The following FNIP1 variants were observed in gnomAD, a reference collection of about 807,000 sequenced individuals.
FNIP1 encodes the protein folliculin interacting protein 1, also known as folliculin-interacting protein 1.
FNIP1 carries 40 observed loss-of-function variants against 124.5 expected under a neutral mutation model. The observed-to-expected ratio is 0.32, with a 90% CI of 0.25 to 0.42. FNIP1 has a LOEUF of 0.42. FNIP1 is among the 10% of genes least tolerant of loss of function. The pLI, the probability that FNIP1 is intolerant of heterozygous loss-of-function variation, is 1.00. For missense variants in FNIP1, 1,176 were observed against 1,403.7 expected (o/e 0.84, Z 2.59); for synonymous variants, 472 against 470.6 (o/e 1.00, Z -0.04).
intron 6 of FNIP1, among the ~76,000 whole-genome samples, chr5:131,714,830 T>C (rs572955200): frequency 5.3e-5 from 8 of 152,328 alleles, no homozygotes; most frequent in African/African-American, 1.9e-4. Flanking sequence ...TATACTGTAA[T>C]TGTTGTATTA....
intron 1 of FNIP1, among the ~76,000 whole-genome samples, chr5:131,794,963 T>C (rs544991106): frequency 3.3e-5 from 5 of 152,230 alleles, no homozygotes; most frequent in African/African-American, 4.8e-5. Flanking sequence ...GTATACGATG[T>C]ATGCTTAAAA....
chr5:131,662,188 T>A (rs771579050), intron 15 of FNIP1, among the ~76,000 whole-genome samples: 1 of 152,130 alleles, frequency 6.6e-6, no homozygotes, highest in Non-Finnish European at 1.5e-5. Flanking sequence ...AAAGGTCCCA[T>A]CTCTATAGGG....
Position 131,643,040 on chromosome 5 carries a change from C to A in FNIP1, c.*1645G>T, listed in dbSNP as rs1387655359. The stretch of plus-strand genomic sequence containing the variant: ...GCCAAAGAAAATATATCCACAAACA[C>A]TCCTTGGCAGCAAGTCATCCATGGG... On this transcript the variant is annotated 3_prime_UTR_variant, in exon 18 of 18. Transcript: ENST00000510461. The A allele has an allele frequency of 1.3e-5, 2 of 152,278 alleles. No homozygotes were observed. Among genetic ancestry groups the A allele is most frequent in the African/African-American group, 4.8e-5 (2 of 41,422 alleles). 9.4% of individuals were successfully genotyped at this position (152,278 alleles called of 1,614,324 possible). A position where few individuals can be genotyped will look rare whatever the true frequency, so the allele number is the denominator to read the frequency against.
chr5:131,682,664 C>T (rs1768129168), intron 11 of FNIP1, among the ~76,000 whole-genome samples: 1 of 151,460 alleles, frequency 6.6e-6, no homozygotes, highest in Admixed American at 6.6e-5. Context: ...TCACAGTGAG[C>T]TGAGATTGCA....
intron 11 of FNIP1, among the ~76,000 whole-genome samples, chr5:131,682,800 T>C (rs558247894): frequency 1.3e-5 from 2 of 152,342 alleles, no homozygotes; most frequent in African/African-American, 2.4e-5. Context: ...TATCATTCAA[T>C]GGTAAGAAAA....
intron 2 of FNIP1, among the ~76,000 whole-genome samples, chr5:131,734,880 C>G (rs575392204): frequency 3.3e-5 from 5 of 152,204 alleles, no homozygotes; most frequent in Admixed American, 2.6e-4. Context: ...ACTAGTTCAA[C>G]CATTGTGGAA....
chr5:131,654,283 AT>A lies in FNIP1; in HGVS notation c.3109-2285del, dbSNP rs1183045039. ...TTTTTCTGTATTTGGAAAGGTAAGG[AT>A]TTTTTTTTACTACTGGCCAAATGGA... On this transcript the variant is annotated intron_variant, in intron 15 of 17. Transcript: ENST00000510461. Among the ~76,000 whole-genome samples, 12 of 151,796 alleles carry A rather than the reference AT, an allele frequency of 7.9e-5. No homozygotes were observed. In the South Asian group the frequency reaches 1.5e-3, roughly 18 times the overall value.
At chr5:131,778,523 T>C (rs974024954) in intron 1 of FNIP1, among the ~76,000 whole-genome samples, 3 of 141,186 alleles carry the variant, frequency 2.1e-5, no homozygotes, top group Admixed American at 1.4e-4. Context: ...TGTGGAGAAA[T>C]AGGAACACTT....
intron 11 of FNIP1, among the ~76,000 whole-genome samples, chr5:131,693,021 T>G (rs191345128): frequency 6.9e-6 from 1 of 144,936 alleles, no homozygotes; most frequent in Non-Finnish European, 1.5e-5. Flanking sequence ...AAAATAAATT[T>G]AAAAAAAAAA....
chr5:131,739,742 G>A (rs1770445905), intron 2 of FNIP1, among the ~76,000 whole-genome samples: 1 of 150,986 alleles, frequency 6.6e-6, no homozygotes, highest in Admixed American at 6.6e-5. Flanking sequence ...GAACCCAGGA[G>A]GCGGAGCTTG....
intron 1 of FNIP1, among the ~76,000 whole-genome samples, chr5:131,794,220 G>A (rs1772500779): frequency 2.0e-5 from 2 of 99,144 alleles, no homozygotes; most frequent in South Asian, 3.4e-4. Flanking sequence ...CAACAAGTGA[G>A]ACTCCATCTA....
chr5:131,644,552 G>A lies in FNIP1; in HGVS notation c.*133C>T. ...ACATACACAGAATATACAATGCTAT[G>A]CAGAATACCCTGGTGACTGACTCAT... On this transcript the variant is annotated 3_prime_UTR_variant, in exon 18 of 18. Coordinates refer to ENST00000510461, the MANE Select transcript of FNIP1 (RefSeq NM_133372.3). 4.2e-6 allele frequency: 3 copies of A among 708,034 alleles called. No homozygotes were observed. In the South Asian group the frequency reaches 5.2e-5, roughly 12 times the overall value. 43.9% of individuals were successfully genotyped at this position (708,034 alleles called of 1,614,324 possible). A position where few individuals can be genotyped will look rare whatever the true frequency, so the allele number is the denominator to read the frequency against.
intron 1 of FNIP1, among the ~76,000 whole-genome samples, chr5:131,766,899 C>T (rs192668545): frequency 6.6e-6 from 1 of 152,094 alleles, no homozygotes; most frequent in East Asian, 1.9e-4. Flanking sequence ...TCTGTCTAGG[C>T]CCCCAGCCAA....
rs143092103 is a variant in FNIP1 at position 131,740,374 on chromosome 5, A to G, written c.219+4190T>C. Among the ~76,000 whole-genome samples, 515 of 152,322 alleles carry G rather than the reference A, an allele frequency of 3.4e-3. 4 individuals carry two copies. The highest frequency in any genetic ancestry group is 0.012 in the African/African-American group (488 of 41,574). ...GACTCAACTATTCAATTAGCACTGT[A>G]CGATGCTTCGGAGTGTTTCTCATGT... is the stretch of plus-strand genomic sequence containing the variant. On this transcript the variant is annotated intron_variant, in intron 2 of 17. Transcript: ENST00000510461.
intron 1 of FNIP1, among the ~76,000 whole-genome samples, chr5:131,793,965 G>A (rs543407686): frequency 1.8e-4 from 28 of 152,048 alleles, no homozygotes; most frequent in East Asian, 7.7e-4. Flanking sequence ...TATGATCTTC[G>A]GGAAATGCAA....
chr5:131,737,929 C>G (rs1770369369), intron 2 of FNIP1, among the ~76,000 whole-genome samples: 1 of 152,154 alleles, frequency 6.6e-6, no homozygotes, highest in South Asian at 2.1e-4. Flanking sequence ...CAGTTTCGTG[C>G]AAGACAATTT....
intron 2 of FNIP1, among the ~76,000 whole-genome samples, chr5:131,739,812 C>CAAAAA (rs60928249): frequency 2.9e-4 from 9 of 31,350 alleles, no homozygotes; most frequent in Middle Eastern, 0.012. Flanking sequence ...GACTCCAGCT[C>CAAAAA]AAAAAAAAAA....
chr5:131,706,425 C>T lies in FNIP1; in HGVS notation c.900G>A (p.Gly300=), dbSNP rs147863754. The T allele has an allele frequency of 1.6e-4, 262 of 1,610,582 alleles. No homozygotes were observed. The African/African-American group carries it at 2.8e-3, about 17-fold the overall frequency. The change falls in exon 9 of 18, where the codon GGG becomes GGA. Residue 300 remains glycine, a synonymous_variant. Transcript: ENST00000510461. ...RRSQTTSLEN[G]VFPRWSIEES... ...TTCCAACTTACCATCTAGGAAATAC[C>T]CCATTTTCCAAACTTGTTGTTTGGC... is the stretch of plus-strand genomic sequence containing the variant.
At chr5:131,664,284 C>T (rs1767528567) in intron 15 of FNIP1, among the ~76,000 whole-genome samples, 1 of 151,962 alleles carries the variant, frequency 6.6e-6, no homozygotes, top group Admixed American at 6.6e-5. Flanking sequence ...TATGGTTAAA[C>T]TAAGATTGAA....
Sources: allele counts gnomAD v4.1 joint callset (sites outside exome capture counted in the v4.1 genomes callset), GRCh38; gene constraint gnomAD v4.1.1; transcripts MANE v1.5; gene names NCBI Gene and HGNC (gene_info 2026-07-23, HGNC 2026-07-21).